Variants in TBC1D21 observed in about 807,000 individuals in gnomAD.
TBC1D21 encodes the protein TBC1 domain family member 21.
Under a neutral mutation model 46.0 loss-of-function variants are expected in TBC1D21, and 38 were observed. That is an observed-to-expected ratio of 0.83 (90% CI 0.64 to 1.08). The LOEUF is 1.08. TBC1D21 is among the 50% of genes least tolerant of loss of function. The pLI, the probability that TBC1D21 is intolerant of heterozygous loss-of-function variation, is 0.00. For missense variants in TBC1D21, 415 were observed against 417.9 expected (o/e 0.99, Z 0.06); for synonymous variants, 151 against 157.2 (o/e 0.96, Z 0.29).
At chr15:73,902,627 T>C in the TBC1D21 span, among the ~76,000 whole-genome samples, 1 of 152,164 alleles carries the variant, frequency 6.6e-6, no homozygotes, top group South Asian at 2.1e-4. Flanking sequence ...CATGCATCTG[T>C]CATTGCATGC....
chr15:73,884,377 G>C, intron 4 of TBC1D21, 132 bp downstream of exon 4: 1 of 845,260 alleles, frequency 1.2e-6, no homozygotes, highest in Non-Finnish European at 2.0e-6. Flanking sequence ...CTGGAGTTTC[G>C]CCAGCTGAAC....
At chr15:73,892,285 C>A (rs1280814448), downstream of TBC1D21, among the ~76,000 whole-genome samples, 1 of 152,126 alleles carries the variant, frequency 6.6e-6, no homozygotes, top group African/African-American at 2.4e-5. Flanking sequence ...GGATGTGGGA[C>A]AAAACTTGAG....
chr15:73,898,665 A>C, the TBC1D21 span, among the ~76,000 whole-genome samples: 1 of 151,420 alleles, frequency 6.6e-6, no homozygotes, highest in East Asian at 1.9e-4. Context: ...GGTGTTCAAG[A>C]CCAGCCTGGC....
intron 1 of TBC1D21, among the ~76,000 whole-genome samples, chr15:73,880,328 A>ACACACACACACC (rs762418406): frequency 1.3e-5 from 2 of 150,768 alleles, no homozygotes; most frequent in South Asian, 2.1e-4. Context: ...ACACACACAC[A>ACACACACACACC]CCCTTATCAA....
chr15:73,874,137 C>T (rs1030267109), intron 1 of TBC1D21, among the ~76,000 whole-genome samples: 1 of 152,178 alleles, frequency 6.6e-6, no homozygotes, highest in East Asian at 1.9e-4. Context: ...GTTCTAAACC[C>T]AGTTTACAAG....
chr15:73,874,668 CAT>C (rs1368473424), intron 1 of TBC1D21, among the ~76,000 whole-genome samples: 1 of 152,168 alleles, frequency 6.6e-6, no homozygotes, highest in East Asian at 1.9e-4. Flanking sequence ...AAACCTGCAG[CAT>C]TAGCACCAAC....
Position 73,881,697 on chromosome 15 carries a change from C to T in TBC1D21, c.222C>T (p.Phe74=), listed in dbSNP as rs1232188165. 6.2e-7 allele frequency: 1 copy of T among 1,613,048 alleles called. No individual in the cohort carries two copies. Among genetic ancestry groups the T allele is most frequent in the Admixed American group, 1.7e-5 (1 of 59,976 alleles). Residue 74 remains phenylalanine (F), a synonymous_variant, in exon 3 of 11, where the codon TTC becomes TTT. Coordinates refer to ENST00000300504, the MANE Select transcript of TBC1D21 (RefSeq NM_153356.3). The part of the protein sequence containing the change: ...TEAWKFLTGY[F]SWQSSQDERL... ...CCTGGAAATTCCTCACGGGCTACTT[C>T]TCATGGCAGAGTTCCCAGGATGAGC...
chr15:73,876,393 A>G (rs1595817209), intron 1 of TBC1D21, among the ~76,000 whole-genome samples: 2 of 93,162 alleles, frequency 2.1e-5, no homozygotes, highest in East Asian at 4.7e-4. Flanking sequence ...ACACCCGGGT[A>G]ATTTTTGTTT....
At chr15:73,889,008 G>A in intron 10 of TBC1D21, 61 bp from the exon 11 acceptor site, 1 of 1,599,524 alleles carries the variant, frequency 6.3e-7, no homozygotes, top group Non-Finnish European at 8.5e-7. Flanking sequence ...CTGCTTAGAA[G>A]AACCGAAGAA....
chr15:73,884,894 G>A lies in TBC1D21; in HGVS notation c.478+3G>A, dbSNP rs1567067227. ...TTACGTCTGCAACACGCAGGCAGGT[G>A]AGCCTCAGCCTCCCCTTGTCAATGC... On this transcript the variant is annotated splice_donor_region_variant and intron_variant, in intron 5 of 10. Coordinates refer to ENST00000300504, the MANE Select transcript of TBC1D21 (RefSeq NM_153356.3). 4 of 1,613,788 alleles carry A rather than the reference G, an allele frequency of 2.5e-6. No homozygotes were observed. Among genetic ancestry groups the A allele is most frequent in the African/African-American group, 1.3e-5 (1 of 75,040 alleles).
At chr15:73,885,768 G>A (rs1425271189) in intron 6 of TBC1D21, among the ~76,000 whole-genome samples, 3 of 151,840 alleles carry the variant, frequency 2.0e-5, no homozygotes, top group Non-Finnish European at 4.4e-5. Flanking sequence ...GGGCAACTGG[G>A]CTCACTAGAC....
At chr15:73,884,338 A>G in intron 4 of TBC1D21, 93 bp downstream of exon 4, 1 of 1,202,542 alleles carries the variant, frequency 8.3e-7, no homozygotes, top group Middle Eastern at 2.2e-4. Context: ...GGATGGCTCC[A>G]GGATCCTGGG....
chr15:73,885,890 A>G (rs1310860501), intron 6 of TBC1D21, among the ~76,000 whole-genome samples, 188 bp from the exon 7 acceptor site: 1 of 151,932 alleles, frequency 6.6e-6, no homozygotes, highest in Non-Finnish European at 1.5e-5. Flanking sequence ...ACTTGCATAC[A>G]CAGATCACAG....
At chr15:73,875,156 G>A (rs1057238899) in intron 1 of TBC1D21, among the ~76,000 whole-genome samples, 1 of 151,872 alleles carries the variant, frequency 6.6e-6, no homozygotes, top group African/African-American at 2.4e-5. Context: ...GACTGAGGCA[G>A]GAGAATCACT....
In TBC1D21 at chr15:73,886,603, G is replaced by T. The variant is rs1289222206; in HGVS notation, c.768G>T (p.Arg256Ser). 8 of 1,613,294 alleles carry T rather than the reference G, an allele frequency of 5.0e-6. No individual in the cohort carries two copies. The highest frequency in any genetic ancestry group is 5.9e-6 in the Non-Finnish European group (7 of 1,179,998). The change falls in exon 8 of 11, where the codon AGG becomes AGT. Residue 256 changes from arginine (R) to serine (S), a missense_variant. By Grantham distance (110) the Arg-to-Ser change is moderately radical. Coordinates refer to ENST00000300504, the MANE Select transcript of TBC1D21 (RefSeq NM_153356.3). ...TCAAGTCCTTCGATGATGTCTGGAG[G>T]CTCTGGGAGGTGAGGTGTCCAGCTA... The part of the protein sequence containing the change: ...RAFKSFDDVW[R>S]LWEVLLTGKP...
At chr15:73,876,255 T>G (rs2068065875) in intron 1 of TBC1D21, among the ~76,000 whole-genome samples, 4 of 121,266 alleles carry the variant, frequency 3.3e-5, no homozygotes, top group East Asian at 2.7e-4. Context: ...TGAGACGGAG[T>G]CTTGCTCTGT....
chr15:73,873,683 G>C lies in TBC1D21; in HGVS notation c.-27G>C. On this transcript the variant is annotated 5_prime_UTR_variant, in exon 1 of 11. Transcript: ENST00000300504. ...TAGGGCTCCAAGTGAGTTCTGATCA[G>C]AGGCTGTTCGGAAGACAGCAGGGGC... is the stretch of plus-strand genomic sequence containing the variant. 3.1e-6 allele frequency: 5 copies of C among 1,590,914 alleles called. No homozygotes were observed. Among genetic ancestry groups the C allele is most frequent in the Non-Finnish European group, 4.3e-6 (5 of 1,166,060 alleles).
intron 4 of TBC1D21, among the ~76,000 whole-genome samples, chr15:73,884,546 G>A (rs983823293): frequency 1.6e-4 from 24 of 152,190 alleles, no homozygotes; most frequent in Admixed American, 1.6e-3. Flanking sequence ...AAGGGTGGGG[G>A]AGGACATTCC....
downstream of TBC1D21, among the ~76,000 whole-genome samples, chr15:73,892,069 C>T (rs2068341683): frequency 2.0e-5 from 3 of 152,198 alleles, no homozygotes; most frequent in Non-Finnish European, 4.4e-5. Context: ...CTGCCCATGG[C>T]CACCCATGGA....
Sources: allele counts gnomAD v4.1 joint callset (sites outside exome capture counted in the v4.1 genomes callset), GRCh38; gene constraint gnomAD v4.1.1; transcripts MANE v1.5; gene names NCBI Gene and HGNC (gene_info 2026-07-23, HGNC 2026-07-21).